The following SKI variants were observed in gnomAD, a reference collection of about 807,000 sequenced individuals.
SKI encodes the protein ski oncogene.
Under a neutral mutation model 59.3 loss-of-function variants are expected in SKI, and 23 were observed. That is an observed-to-expected ratio of 0.39 (90% CI 0.28 to 0.55). The LOEUF (loss-of-function observed/expected upper bound fraction) is 0.55. Among genes scored for constraint, SKI ranks in the 20% least tolerant of loss-of-function variants. The pLI is 0.67. For synonymous variants in SKI, 673 were observed against 488.6 expected, an observed-to-expected ratio of 1.38 and a Z score of -4.98; for missense variants, 1,017 against 1,038.9, an observed-to-expected ratio of 0.98 and a Z score of 0.29.
intron 1 of SKI, among the ~76,000 whole-genome samples, chr1:2,292,873 C>G (rs549496345): frequency 3.9e-5 from 6 of 152,186 alleles, no homozygotes; most frequent in Non-Finnish European, 2.9e-5. Flanking sequence ...CAACGCCTGT[C>G]CCTGGCGGGG....
intron 1 of SKI, chr1:2,232,678 C>T (rs1443556760): frequency 3.3e-5 from 5 of 152,426 alleles, no homozygotes; most frequent in African/African-American, 9.6e-5. Context: ...TGGCGAGTCT[C>T]CTCTTAGGGA....
rs1014236768 is a variant in SKI, at chr1:2,268,893, C to T, written c.970-34085C>T. 6.6e-6 allele frequency among the ~76,000 whole-genome samples: 1 copy of T among 151,666 alleles called. No individual in the cohort carries two copies. Among genetic ancestry groups the T allele is most frequent in the African/African-American group, 2.4e-5 (1 of 41,248 alleles). On this transcript the variant is annotated intron_variant, in intron 1 of 6. Coordinates refer to ENST00000378536, the MANE Select transcript of SKI (RefSeq NM_003036.4). This position sits in a 1 kb window ranked among gnomAD's most constrained non-coding sequence, Gnocchi z 5.0. ...CTGCCTTTCCCCTTTATCCTTTCCC[C>T]CCTTCCATGTCCATTTCCCTTTTCC...
At chr1:2,297,683 C>T (rs979087614) in intron 1 of SKI, among the ~76,000 whole-genome samples, 11 of 152,260 alleles carry the variant, frequency 7.2e-5, no homozygotes, top group Non-Finnish European at 1.2e-4. Flanking sequence ...ACGGACTCAC[C>T]CTGCGAGGCA....
intron 1 of SKI, among the ~76,000 whole-genome samples, chr1:2,261,319 T>G (rs2100838642): frequency 6.6e-6 from 1 of 152,368 alleles, no homozygotes; most frequent in African/African-American, 2.4e-5. Flanking sequence ...TCTGTGAACA[T>G]TTCTGGGAAA....
At chr1:2,230,755 C>G (rs942833082) in intron 1 of SKI, among the ~76,000 whole-genome samples, 1 of 152,186 alleles carries the variant, frequency 6.6e-6, no homozygotes, top group South Asian at 2.1e-4. Flanking sequence ...ATTGCACACA[C>G]AGAATGCTGC....
intron 1 of SKI, among the ~76,000 whole-genome samples, chr1:2,237,458 GTGT>G (rs1386839732): frequency 2.6e-5 from 4 of 152,224 alleles, no homozygotes; most frequent in Non-Finnish European, 5.9e-5. Flanking sequence ...TAATTACGTT[GTGT>G]TGTTCTGCCC....
intron 4 of SKI, 92 bp from the exon 5 acceptor site, chr1:2,304,201 T>G (rs1640506417): frequency 6.4e-7 from 1 of 1,568,630 alleles, no homozygotes; most frequent in African/African-American, 1.4e-5. Flanking sequence ...TGGCCCCATG[T>G]TTCGCAGGTT....
intron 1 of SKI, among the ~76,000 whole-genome samples, chr1:2,280,204 C>CA (rs1557836433): frequency 4.0e-4 from 59 of 145,690 alleles, no homozygotes; most frequent in East Asian, 1.6e-3. Context: ...CACGTATCTA[C>CA]TAAAAAAAAA....
At chr1:2,234,096 A>G (rs1409074002) in intron 1 of SKI, among the ~76,000 whole-genome samples, 2 of 152,192 alleles carry the variant, frequency 1.3e-5, no homozygotes, top group Non-Finnish European at 2.9e-5. Flanking sequence ...GCAGAAGGCC[A>G]GGGTCTGCGG....
At chr1:2,244,942 A>G (rs1638959840) in intron 1 of SKI, among the ~76,000 whole-genome samples, 1 of 152,218 alleles carries the variant, frequency 6.6e-6, no homozygotes, top group South Asian at 2.1e-4. Flanking sequence ...GTAGTTACAG[A>G]ACAATAAAAG....
At position 2,283,339 on chromosome 1, in the gene SKI, T is replaced by A. The variant is rs1440437609; in HGVS notation, c.970-19639T>A. Among the ~76,000 whole-genome samples, 5 of 148,266 alleles carry A rather than the reference T, an allele frequency of 3.4e-5. No individual in the cohort carries two copies. In the East Asian group the frequency reaches 7.9e-4, roughly 23 times the overall value. ...CCAGGTCCTTTGACAGGGCAAGGAC[T>A]CAGAGCCTCAGGGGGGGGAGGGCAG... On this transcript the variant is annotated intron_variant, in intron 1 of 6. Transcript: ENST00000378536.
At position 2,307,869 on chromosome 1, in the gene SKI, T is replaced by C. The variant is rs1392736474; in HGVS notation, c.*1104T>C. On this transcript the variant is annotated 3_prime_UTR_variant, in exon 7 of 7. Coordinates refer to ENST00000378536, the MANE Select transcript of SKI (RefSeq NM_003036.4). The stretch of plus-strand genomic sequence containing the variant: ...TCTGGTGCTTGGTTGAACAAGGGAA[T>C]CACAAGAAAACGAAAATGCAAAAAC... 1 of 152,476 alleles carries C rather than the reference T, an allele frequency of 6.6e-6. No homozygotes were observed. Among genetic ancestry groups the C allele is most frequent in the Non-Finnish European group, 1.5e-5 (1 of 68,018 alleles). The allele number at this position is 152,476 out of a possible 1,614,324, so 9.4% of individuals were successfully genotyped here. A position where few individuals can be genotyped will look rare whatever the true frequency, so the allele number is the denominator to read the frequency against.
rs1336363002 is a variant in SKI at position 2,267,718 on chromosome 1, C to T, written c.970-35260C>T. On this transcript the variant is annotated intron_variant, in intron 1 of 6. Coordinates refer to ENST00000378536, the MANE Select transcript of SKI (RefSeq NM_003036.4). The surrounding 1 kb of genome is among the most constrained non-coding windows in gnomAD (Gnocchi z 4.1). ...CAGCCGGCCTTTGGGCTTCAGGAAACGCAGCTGGGACATCCTGAGGTGTGT... is the reference window on the plus strand; with the variant it reads ...CAGCCGGCCTTTGGGCTTCAGGAAATGCAGCTGGGACATCCTGAGGTGTGT... Among the ~76,000 whole-genome samples, 6 of 152,216 alleles carry T rather than the reference C, an allele frequency of 3.9e-5. No homozygotes were observed. Among genetic ancestry groups the T allele is most frequent in the Non-Finnish European group, 7.3e-5 (5 of 68,032 alleles).
chr1:2,306,252 T>A lies in SKI; in HGVS notation c.1998+2T>A. 1 of 1,549,398 alleles carries A rather than the reference T, an allele frequency of 6.5e-7. No homozygotes were observed. Among genetic ancestry groups the A allele is most frequent in the Non-Finnish European group, 8.7e-7 (1 of 1,147,234 alleles). ...CTGCGCGCCAAGTACTCGGCCCAGG[T>A]ATGCGGGTGGGGAGACTGAGGCACG... On this transcript the variant is annotated splice_donor_variant, in intron 6 of 6. Coordinates refer to ENST00000378536, the MANE Select transcript of SKI (RefSeq NM_003036.4). LOFTEE classifies it high-confidence loss of function.
At position 2,307,906 on chromosome 1, in the gene SKI, G is replaced by A. The variant is rs1451118892; in HGVS notation, c.*1141G>A. On this transcript the variant is annotated 3_prime_UTR_variant, in exon 7 of 7. Coordinates refer to ENST00000378536, the MANE Select transcript of SKI (RefSeq NM_003036.4). ...GAAAATGCAAAAACTGAACTTCGGG[G>A]GTCGTTCTGTGCCTTCCAGCATCTT... 6.6e-6 allele frequency: 1 copy of A among 152,444 alleles called. No homozygotes were observed. The highest frequency in any genetic ancestry group is 2.4e-5 in the African/African-American group (1 of 41,396). 9.4% of individuals were successfully genotyped at this position (152,444 alleles called of 1,614,324 possible). A position where few individuals can be genotyped will look rare whatever the true frequency, so the allele number is the denominator to read the frequency against.
chr1:2,271,754 A>ACCCTCTGAGCACTCATGCAGG (rs1553195761), intron 1 of SKI, among the ~76,000 whole-genome samples: 1 of 148,850 alleles, frequency 6.7e-6, no homozygotes, highest in Non-Finnish European at 1.5e-5. Flanking sequence ...GCCTAAGGGG[A>ACCCTCTGAGCACTCATGCAGG]CCCTCTGAGC....
At position 2,308,279 on chromosome 1, in the gene SKI, C is replaced by G. The variant is rs1407066210; in HGVS notation, c.*1514C>G. 1 of 152,170 alleles carries G rather than the reference C, an allele frequency of 6.6e-6. No individual in the cohort carries two copies. Among genetic ancestry groups the G allele is most frequent in the Non-Finnish European group, 1.5e-5 (1 of 68,036 alleles). 9.4% of individuals were successfully genotyped at this position (152,170 alleles called of 1,614,324 possible). A position where few individuals can be genotyped will look rare whatever the true frequency, so the allele number is the denominator to read the frequency against. ...CAGACGACCTCGGGGCAGTGACGAG[C>G]AAAGACCAGAGACTGCTGAGCCCTC... On this transcript the variant is annotated 3_prime_UTR_variant, in exon 7 of 7. Coordinates refer to ENST00000378536, the MANE Select transcript of SKI (RefSeq NM_003036.4).
At chr1:2,234,923 G>C (rs376010184) in intron 1 of SKI, among the ~76,000 whole-genome samples, 41 of 152,248 alleles carry the variant, frequency 2.7e-4, no homozygotes, top group African/African-American at 8.7e-4. Flanking sequence ...TGTCATGGAG[G>C]GGGGGCTGCC....
At chr1:2,254,513 T>C (rs992626541) in intron 1 of SKI, among the ~76,000 whole-genome samples, 12 of 152,254 alleles carry the variant, frequency 7.9e-5, no homozygotes, top group African/African-American at 2.4e-4. Flanking sequence ...TTTAATTTAC[T>C]TGATACTCAG....
Sources: gnomAD v4.1 joint callset for allele counts (sites outside exome capture counted in the v4.1 genomes callset) on GRCh38, gnomAD v4.1.1 for gene constraint, Gnocchi (gnomAD v3.1) non-coding constraint, MANE v1.5 for transcripts, NCBI Gene and HGNC (gene_info 2026-07-23, HGNC 2026-07-21) for gene names.